Variants in BRD10 observed in about 807,000 individuals in gnomAD.
BRD10 encodes bromodomain containing 10.
At chr9:5,943,432 T>C in the BRD10 span, among the ~76,000 whole-genome samples, 2 of 151,880 alleles carry the variant, frequency 1.3e-5, no homozygotes, top group African/African-American at 2.4e-5. Context: ...TAGAACGAAA[T>C]ATGGACACCT....
the BRD10 span, among the ~76,000 whole-genome samples, chr9:5,965,031 A>G: frequency 6.9e-6 from 1 of 143,912 alleles, no homozygotes; most frequent in Non-Finnish European, 1.5e-5. Flanking sequence ...CAATGTGCAC[A>G]TGTACCCTAA....
At chr9:6,007,748 C>G in the BRD10 span, 2 of 1,590,614 alleles carry the variant, frequency 1.3e-6, no homozygotes, top group Non-Finnish European at 1.7e-6. Context: ...TCTTCCTCCC[C>G]AGCCGGCTCC....
the BRD10 span, among the ~76,000 whole-genome samples, chr9:5,926,213 G>A: frequency 1.3e-5 from 2 of 152,168 alleles, no homozygotes; most frequent in Admixed American, 6.5e-5. Context: ...ACTGCGCCTG[G>A]CCATGTTCTC....
At chr9:5,926,064 C>T in the BRD10 span, among the ~76,000 whole-genome samples, 7 of 151,416 alleles carry the variant, frequency 4.6e-5, no homozygotes, top group East Asian at 5.9e-4. Flanking sequence ...ATTACAGACA[C>T]GCGCCACCAC....
chr9:5,940,955 T>C, the BRD10 span, among the ~76,000 whole-genome samples: 1 of 152,058 alleles, frequency 6.6e-6, no homozygotes, highest in South Asian at 2.1e-4. Flanking sequence ...CCAGAAGAGG[T>C]TTTTTTCCTT....
the BRD10 span, chr9:5,920,404 C>G: frequency 6.2e-7 from 1 of 1,613,908 alleles, no homozygotes; most frequent in East Asian, 2.2e-5. Flanking sequence ...TGAACTGACT[C>G]CCGACTAGAC....
the BRD10 span, among the ~76,000 whole-genome samples, chr9:6,004,040 C>T: frequency 6.6e-6 from 1 of 152,186 alleles, no homozygotes; most frequent in African/African-American, 2.4e-5. Flanking sequence ...TGTAGTTCAG[C>T]ATTCGGAATG....
At chr9:5,956,405 G>A in the BRD10 span, among the ~76,000 whole-genome samples, 1 of 152,062 alleles carries the variant, frequency 6.6e-6, no homozygotes, top group Non-Finnish European at 1.5e-5. Flanking sequence ...AAACTACCTG[G>A]GTTTGAGTGC....
the BRD10 span, among the ~76,000 whole-genome samples, chr9:5,882,534 C>T: frequency 6.6e-6 from 1 of 152,240 alleles, no homozygotes; most frequent in Admixed American, 6.5e-5. Context: ...CAGCCTTGCA[C>T]AAAGGCCATC....
chr9:5,983,962 T>TACACACACACACACAC, the BRD10 span, among the ~76,000 whole-genome samples: 51 of 129,720 alleles, frequency 3.9e-4, 1 homozygote, highest in African/African-American at 8.8e-4. Context: ...GTATATGCAT[T>TACACACACACACACAC]ACACACACAC....
At chr9:5,899,269 G>T in the BRD10 span, 1 of 152,220 alleles carries the variant, frequency 6.6e-6, no homozygotes, top group Admixed American at 6.5e-5. Context: ...TGAAAGAGAG[G>T]AGGGTTGGTG....
At chr9:5,915,342 G>A in the BRD10 span, among the ~76,000 whole-genome samples, 1 of 152,096 alleles carries the variant, frequency 6.6e-6, no homozygotes, top group Non-Finnish European at 1.5e-5. Context: ...TTACTATGTG[G>A]TAGGCACCGG....
chr9:5,935,410 G>A, the BRD10 span, among the ~76,000 whole-genome samples: 1 of 152,186 alleles, frequency 6.6e-6, no homozygotes, highest in African/African-American at 2.4e-5. Flanking sequence ...CTGGGTGACA[G>A]GTCACATTCC....
chr9:5,923,181 A>G, the BRD10 span: 2 of 1,613,944 alleles, frequency 1.2e-6, no homozygotes, highest in South Asian at 1.1e-5. Context: ...TCATCCACAT[A>G]ATCAGTTTGT....
chr9:5,972,486 A>G, the BRD10 span, among the ~76,000 whole-genome samples: 1 of 152,222 alleles, frequency 6.6e-6, no homozygotes. Context: ...CAGCCCAGTT[A>G]CAGGTGTTTG....
chr9:5,904,451 C>A, the BRD10 span, among the ~76,000 whole-genome samples: 1 of 152,050 alleles, frequency 6.6e-6, no homozygotes, highest in Non-Finnish European at 1.5e-5. Context: ...CATTTTCTCT[C>A]CTTTCTTGGC....
the BRD10 span, among the ~76,000 whole-genome samples, chr9:5,925,812 T>A: frequency 6.6e-6 from 1 of 152,152 alleles, no homozygotes; most frequent in Admixed American, 6.6e-5. Context: ...ATTTTAGAGA[T>A]CCTTCATTAT....
At chr9:5,902,190 T>C in the BRD10 span, among the ~76,000 whole-genome samples, 1 of 152,150 alleles carries the variant, frequency 6.6e-6, no homozygotes, top group East Asian at 1.9e-4. Flanking sequence ...ATAATAGATA[T>C]AAATCTCTTC....
chr9:5,922,397 GATGGTGTTA>G, the BRD10 span: 1 of 1,613,964 alleles, frequency 6.2e-7, no homozygotes, highest in Non-Finnish European at 8.5e-7. Context: ...AGTCTTAACT[GATGGTGTTA>G]ATAAGTTACT....
Sources: gnomAD v4.1 joint callset for allele counts (sites outside exome capture counted in the v4.1 genomes callset) on GRCh38, gnomAD v4.1.1 for gene constraint, MANE v1.5 for transcripts, NCBI Gene and HGNC (gene_info 2026-07-23, HGNC 2026-07-21) for gene names.